The following FGF14 variants were observed in gnomAD, a reference collection of about 807,000 sequenced individuals.
FGF14 encodes fibroblast growth factor homologous factor 4.
FGF14 carries 5 observed loss-of-function variants against 25.5 expected under a neutral mutation model. That is an observed-to-expected ratio of 0.20 (90% CI 0.10 to 0.41). FGF14 has a LOEUF of 0.41. FGF14 is among the 10% of genes least tolerant of loss of function. The probability of loss-of-function intolerance (pLI) is 1.00; values close to 1 mark genes in which losing one functional copy is unlikely to be tolerated. For missense variants in FGF14, 222 were observed against 320.1 expected (o/e 0.69, Z 2.34); for synonymous variants, 138 against 118.3 (o/e 1.17, Z -1.08).
At chr13:102,097,640 G>C (rs2044464592) in intron 1 of FGF14, among the ~76,000 whole-genome samples, 2 of 152,150 alleles carry the variant, frequency 1.3e-5, no homozygotes, top group African/African-American at 4.8e-5. Flanking sequence ...GGGCCAAACT[G>C]GGGACACAAA....
chr13:102,005,248 T>C (rs940182107), intron 1 of FGF14, among the ~76,000 whole-genome samples: 24 of 152,222 alleles, frequency 1.6e-4, no homozygotes, highest in Admixed American at 1.6e-3. Context: ...AGTGATGCTG[T>C]TATCAAAATC....
In FGF14 at chr13:102,320,034, C is replaced by A. The variant is rs73581277; in HGVS notation, c.208+81437G>T. Among the ~76,000 whole-genome samples the A allele has an allele frequency of 9.2e-3, 1,405 of 152,096 alleles. 22 individuals carry two copies. Among genetic ancestry groups the A allele is most frequent in the African/African-American group, 0.032 (1,340 of 41,500 alleles). On this transcript the variant is annotated intron_variant, in intron 1 of 4. Transcript: ENST00000376131. The stretch of plus-strand genomic sequence containing the variant: ...TAGTATTCCTGTGGAAAGATACACA[C>A]CTATATAGTTTCCATTTTCAAAATG...
intron 1 of FGF14, among the ~76,000 whole-genome samples, chr13:102,077,916 T>G (rs935474146): frequency 6.6e-6 from 1 of 152,170 alleles, no homozygotes; most frequent in Non-Finnish European, 1.5e-5. Flanking sequence ...ATGGATTTTT[T>G]AAATGTGGTA....
chr13:101,858,465 G>C (rs2044241774), intron 3 of FGF14, among the ~76,000 whole-genome samples: 1 of 152,020 alleles, frequency 6.6e-6, no homozygotes, highest in Admixed American at 6.6e-5. Context: ...GTAACATGGA[G>C]AGTGAAAACA....
intron 1 of FGF14, among the ~76,000 whole-genome samples, chr13:102,294,423 A>C (rs902041107): frequency 6.6e-6 from 1 of 152,096 alleles, no homozygotes; most frequent in Admixed American, 6.6e-5. Context: ...CCAAAAAAAA[A>C]AAACAAACAC....
intron 1 of FGF14, among the ~76,000 whole-genome samples, chr13:102,396,089 G>T (rs1490747825): frequency 6.6e-6 from 1 of 152,114 alleles, no homozygotes; most frequent in African/African-American, 2.4e-5. Flanking sequence ...CAGTACCCGG[G>T]TTCAACACAT....
At chr13:102,134,830 T>C (rs2140428020) in intron 1 of FGF14, among the ~76,000 whole-genome samples, 1 of 152,364 alleles carries the variant, frequency 6.6e-6, no homozygotes, top group Non-Finnish European at 1.5e-5. Context: ...AAATGTTTCC[T>C]GGTCCCTTCT....
chr13:102,125,377 C>G (rs2045910464), intron 1 of FGF14, among the ~76,000 whole-genome samples: 1 of 152,148 alleles, frequency 6.6e-6, no homozygotes, highest in African/African-American at 2.4e-5. Flanking sequence ...CAAAATATCT[C>G]AACTTGCAGA....
At chr13:101,962,259 G>C (rs190321174) in intron 1 of FGF14, among the ~76,000 whole-genome samples, 1 of 152,200 alleles carries the variant, frequency 6.6e-6, no homozygotes, top group East Asian at 1.9e-4. Flanking sequence ...TGCTCTCCTT[G>C]AAGAGGTGCT....
intron 3 of FGF14, among the ~76,000 whole-genome samples, chr13:101,799,693 TC>T (rs1339354600): frequency 6.6e-6 from 1 of 152,058 alleles, no homozygotes; most frequent in Non-Finnish European, 1.5e-5. Context: ...GGCAGACCCT[TC>T]CCACTTCCTT....
At chr13:101,820,771 CCACACACCACACACA>C (rs368950653) in intron 3 of FGF14, among the ~76,000 whole-genome samples, 1,914 of 91,938 alleles carry the variant, frequency 0.021, 76 homozygotes, top group African/African-American at 0.061. Flanking sequence ...CACACACACA[CCACACACCACACACA>C]CACACACACA....
At chr13:101,932,707 G>T (rs2034841811) in intron 1 of FGF14, among the ~76,000 whole-genome samples, 1 of 148,086 alleles carries the variant, frequency 6.8e-6, no homozygotes, top group Non-Finnish European at 1.5e-5. Flanking sequence ...CTGTCAGTCG[G>T]TTGCCCCTAC....
At chr13:101,751,243 T>C (rs1312879086) in intron 3 of FGF14, among the ~76,000 whole-genome samples, 1 of 151,990 alleles carries the variant, frequency 6.6e-6, no homozygotes, top group Non-Finnish European at 1.5e-5. Context: ...CATTATAAAA[T>C]TTGTACCATA....
At chr13:101,932,642 T>TAACTACTG (rs2034837916) in intron 1 of FGF14, among the ~76,000 whole-genome samples, 1 of 151,406 alleles carries the variant, frequency 6.6e-6, no homozygotes, top group African/African-American at 2.4e-5. Flanking sequence ...GAGCCACAAG[T>TAACTACTG]AACTACTGGC....
Position 102,202,129 on chromosome 13 carries a change from C to T in FGF14, c.208+199342G>A, listed in dbSNP as rs190932948. On this transcript the variant is annotated intron_variant, in intron 1 of 4. Transcript: ENST00000376131. ...ACCGCGACTGTAAGTTCCCTGAGGCCTCCCCAGAAGCAGATGCTGCCATGC... is the reference window on the plus strand; with the variant it reads ...ACCGCGACTGTAAGTTCCCTGAGGCTTCCCCAGAAGCAGATGCTGCCATGC... 2.0e-3 allele frequency among the ~76,000 whole-genome samples: 305 copies of T among 152,274 alleles called. 1 individual carries two copies. Among genetic ancestry groups the T allele is most frequent in the African/African-American group, 7.0e-3 (292 of 41,544 alleles).
At chr13:101,902,121 T>C (rs1292839136) in intron 1 of FGF14, among the ~76,000 whole-genome samples, 2 of 152,154 alleles carry the variant, frequency 1.3e-5, no homozygotes, top group African/African-American at 4.8e-5. Flanking sequence ...CTTAGATTAT[T>C]CAAAACAAAA....
chr13:102,272,331 A>G lies in FGF14; in HGVS notation c.208+129140T>C, dbSNP rs187352795. Among the ~76,000 whole-genome samples, 6 of 152,254 alleles carry G rather than the reference A, an allele frequency of 3.9e-5. No homozygotes were observed. The East Asian group carries it at 7.7e-4, about 20-fold the overall frequency. ...CTTTGTCTTTTAATCATTTCACTCT[A>G]TGTTACTTCATGCATTTCTTACTCT... is the stretch of plus-strand genomic sequence containing the variant. On this transcript the variant is annotated intron_variant, in intron 1 of 4. Coordinates refer to the FGF14 transcript ENST00000376131.
At chr13:102,323,481 G>C (rs1329261525) in intron 1 of FGF14, among the ~76,000 whole-genome samples, 1 of 152,096 alleles carries the variant, frequency 6.6e-6, no homozygotes, top group East Asian at 1.9e-4. Flanking sequence ...TAAAAGACTG[G>C]TTTCACCATT....
rs368240825 is a variant in FGF14, at chr13:101,723,993, C to T, written c.608-1026G>A. 8.4e-4 allele frequency among the ~76,000 whole-genome samples: 128 copies of T among 152,128 alleles called. 6 individuals carry two copies. The South Asian group carries it at 0.026, about 30-fold the overall frequency. ...TATGTTCAAGGGGGTAGAATGTGGCCTTTAGTATCAATGCATCACGTGAGT... is the reference window on the plus strand; with the variant it reads ...TATGTTCAAGGGGGTAGAATGTGGCTTTTAGTATCAATGCATCACGTGAGT... On this transcript the variant is annotated intron_variant, in intron 4 of 4. Transcript: ENST00000376143.
Sources: gnomAD v4.1 joint callset for allele counts (sites outside exome capture counted in the v4.1 genomes callset) on GRCh38, gnomAD v4.1.1 for gene constraint, MANE v1.5 for transcripts, NCBI Gene and HGNC (gene_info 2026-07-23, HGNC 2026-07-21) for gene names.